The following RUFY1 variants were observed in gnomAD, a reference collection of about 807,000 sequenced individuals.
RUFY1 encodes the protein RUN and FYVE domain-containing protein 1.
In RUFY1, 54 loss-of-function variants were observed where a neutral mutation model predicts 94.6. That is an observed-to-expected ratio of 0.57 (90% CI 0.46 to 0.72). The LOEUF is 0.72. Ranked by LOEUF, RUFY1 falls within the 30% of genes least tolerant of loss-of-function variation. The pLI, the probability that RUFY1 is intolerant of heterozygous loss-of-function variation, is 0.00. For synonymous variants in RUFY1, 396 were observed against 347.3 expected (o/e 1.14, Z -1.56); for missense variants, 883 against 883.9 (o/e 1.00, Z 0.01).
rs750672564 is a variant in RUFY1 at position 179,591,687 on chromosome 5, T to G, written c.1191T>G (p.Asp397Glu). The G allele has an allele frequency of 4.3e-6, 7 of 1,613,488 alleles. No homozygotes were observed. Among genetic ancestry groups the G allele is most frequent in the Non-Finnish European group, 5.1e-6 (6 of 1,179,896 alleles). ...ACAAGCAAACTCGGCAAGGTCTGGA[T>G]GAAATGTACAGTGATGTGTGGAAGC... ...ETYKQTRQGL[D>E]EMYSDVWKQL... Residue 397 changes from aspartate to glutamate, a missense_variant, in exon 10 of 18, where the codon GAT becomes GAG. Physicochemically the swap from Asp to Glu is conservative, Grantham distance 45 (BLOSUM62 2). Transcript: ENST00000319449.
intron 17 of RUFY1, 59 bp downstream of exon 17, chr5:179,607,718 C>A: frequency 1.4e-6 from 2 of 1,438,332 alleles, no homozygotes; most frequent in Non-Finnish European, 2.0e-6. Flanking sequence ...CTGGATTCCC[C>A]TTTCTCTGGT....
intron 16 of RUFY1, chr5:179,606,229 G>T (rs1361135492): frequency 4.4e-6 from 2 of 449,606 alleles, no homozygotes; most frequent in African/African-American, 4.0e-5. Flanking sequence ...GGGACCCGCG[G>T]ATATCTTTAA....
chr5:179,609,635 C>G lies in RUFY1; in HGVS notation c.*116C>G, dbSNP rs1767522775. ...CAAAGGAAAGAATCAAATTTCTTGC[C>G]CGGTCACTGGCACTCCAGAAGACAG... is the stretch of plus-strand genomic sequence containing the variant. On this transcript the variant is annotated 3_prime_UTR_variant, in exon 18 of 18. Coordinates refer to ENST00000319449, the MANE Select transcript of RUFY1 (RefSeq NM_025158.5). The G allele has an allele frequency of 8.9e-7, 1 of 1,118,412 alleles. No individual in the cohort carries two copies. The highest frequency in any genetic ancestry group is 3.0e-5 in the Admixed American group (1 of 33,464). 69.3% of individuals were successfully genotyped at this position (1,118,412 alleles called of 1,614,324 possible). A position where few individuals can be genotyped will look rare whatever the true frequency, so the allele number is the denominator to read the frequency against.
chr5:179,589,707 T>G, intron 9 of RUFY1, 60 bp downstream of exon 9: 1 of 1,263,512 alleles, frequency 7.9e-7, no homozygotes, highest in Non-Finnish European at 1.2e-6. Context: ...CTATTGTCAA[T>G]CTCAAGCTCA....
chr5:179,594,499 C>A (rs1200922070), intron 11 of RUFY1, among the ~76,000 whole-genome samples: 1 of 147,132 alleles, frequency 6.8e-6, no homozygotes, highest in Non-Finnish European at 1.5e-5. Flanking sequence ...TGGTGGCTCA[C>A]ACCTGTAATC....
At chr5:179,585,000 G>A (rs968220645) in intron 7 of RUFY1, among the ~76,000 whole-genome samples, 2 of 151,628 alleles carry the variant, frequency 1.3e-5, no homozygotes, top group African/African-American at 2.4e-5. Context: ...GCATGTTGAC[G>A]GGCGCCTGTG....
At chr5:179,578,539 A>G (rs772245302) in intron 6 of RUFY1, among the ~76,000 whole-genome samples, 2 of 151,730 alleles carry the variant, frequency 1.3e-5, no homozygotes, top group Non-Finnish European at 2.9e-5. Flanking sequence ...TTATGCCATT[A>G]TGAAGCTCTC....
rs1764145890 is a variant in RUFY1 at position 179,581,388 on chromosome 5, GC to G, written c.956+377del. Among the ~76,000 whole-genome samples the G allele has an allele frequency of 1.3e-5, 2 of 151,902 alleles. 1 individual carries two copies. On this transcript the variant is annotated intron_variant, in intron 7 of 17. Transcript: ENST00000319449. The stretch of plus-strand genomic sequence containing the variant: ...GGAAAAAAGAGTTGAAAACCACTGG[GC>G]TAGGCCCTCCAGAGCAATGTACTAG...
intron 16 of RUFY1, chr5:179,606,251 C>T: frequency 2.8e-6 from 1 of 362,402 alleles, no homozygotes; most frequent in South Asian, 3.0e-5. Context: ...CAGTGGAAAA[C>T]AGGCCCTTCT....
Position 179,609,656 on chromosome 5 carries a change from G to C in RUFY1, c.*137G>C. On this transcript the variant is annotated 3_prime_UTR_variant, in exon 18 of 18. Transcript: ENST00000319449. ...TTGCCCGGTCACTGGCACTCCAGAA[G>C]ACAGCGTGCCGGAACCGGCAGCTCT... 1 of 855,824 alleles carries C rather than the reference G, an allele frequency of 1.2e-6. No individual in the cohort carries two copies. Among genetic ancestry groups the C allele is most frequent in the Non-Finnish European group, 1.7e-6 (1 of 586,830 alleles). The allele number at this position is 855,824 out of a possible 1,614,324, so 53.0% of individuals were successfully genotyped here. A position where few individuals can be genotyped will look rare whatever the true frequency, so the allele number is the denominator to read the frequency against.
chr5:179,595,558 T>G (rs1765554706), intron 12 of RUFY1, among the ~76,000 whole-genome samples: 1 of 151,688 alleles, frequency 6.6e-6, no homozygotes, highest in Non-Finnish European at 1.5e-5. Flanking sequence ...TTCTTGTTTT[T>G]TTTTTTTTTT....
At chr5:179,607,291 GAA>G in intron 16 of RUFY1, 3 of 449,200 alleles carry the variant, frequency 6.7e-6, no homozygotes, top group Non-Finnish European at 8.1e-6. Context: ...GGAACTGATT[GAA>G]AGTGGGAGTG....
chr5:179,576,994 G>A (rs1763662099), intron 5 of RUFY1, 81 bp from the exon 6 acceptor site: 2 of 966,592 alleles, frequency 2.1e-6, no homozygotes, highest in Admixed American at 3.6e-5. Context: ...AGATAAGAAT[G>A]AAATACCTGA....
At chr5:179,555,947 C>G (rs1358442546) in intron 1 of RUFY1, among the ~76,000 whole-genome samples, 2 of 151,966 alleles carry the variant, frequency 1.3e-5, no homozygotes, top group Admixed American at 6.6e-5. Flanking sequence ...ATCTGCCCAC[C>G]TCGGCCTCCC....
chr5:179,564,270 C>A (rs1251477188), intron 3 of RUFY1, among the ~76,000 whole-genome samples: 1 of 151,816 alleles, frequency 6.6e-6, no homozygotes, highest in East Asian at 1.9e-4. Context: ...CAGGTGCCTG[C>A]CACCAGGCCC....
intron 17 of RUFY1, 31 bp from the exon 18 acceptor site, chr5:179,609,345 G>A: frequency 1.2e-6 from 2 of 1,606,832 alleles, no homozygotes; most frequent in Non-Finnish European, 1.7e-6. Flanking sequence ...TTCCCCGGGT[G>A]TCCTGTGACC....
chr5:179,577,853 C>T (rs1329572171), intron 6 of RUFY1, among the ~76,000 whole-genome samples: 4 of 49,608 alleles, frequency 8.1e-5, no homozygotes, highest in Non-Finnish European at 1.5e-4. Context: ...AGGCTCTTCT[C>T]TGCAGCAAAA....
rs398000079 is a variant in RUFY1 at position 179,600,684 on chromosome 5, C to CTTTTTTTTTTT, written c.1762-1188_1762-1178dup. On this transcript the variant is annotated intron_variant, in intron 14 of 17. Transcript: ENST00000319449. ...AGCCTCATTTGTCCTATGATGGTAA[C>CTTTTTTTTTTT]TTTTTTTTTTTTTTTTTTTTTTTTT... is the stretch of plus-strand genomic sequence containing the variant. Among the ~76,000 whole-genome samples, 42 of 54,710 alleles carry CTTTTTTTTTTT rather than the reference C, an allele frequency of 7.7e-4. 4 individuals are homozygous for CTTTTTTTTTTT. Among genetic ancestry groups the CTTTTTTTTTTT allele is most frequent in the African/African-American group, 2.7e-3 (34 of 12,446 alleles). 35.9% of individuals were successfully genotyped at this position (54,710 alleles called of 152,430 possible).
chr5:179,575,072 G>T, intron 5 of RUFY1, among the ~76,000 whole-genome samples: 1 of 136,792 alleles, frequency 7.3e-6, no homozygotes, highest in African/African-American at 2.8e-5. Flanking sequence ...CTTTCCCACA[G>T]GTGATGGTAA....
Sources: gnomAD v4.1 joint callset for allele counts (sites outside exome capture counted in the v4.1 genomes callset) on GRCh38, gnomAD v4.1.1 for gene constraint, MANE v1.5 for transcripts, NCBI Gene and HGNC (gene_info 2026-07-23, HGNC 2026-07-21) for gene names.